The following CFAP210 variants were observed in gnomAD, a reference collection of about 807,000 sequenced individuals.
The protein encoded by CFAP210 is cilia and flagella associated protein 210.
At chr2:169,657,092 T>G in the CFAP210 span, among the ~76,000 whole-genome samples, 1 of 152,050 alleles carries the variant, frequency 6.6e-6, no homozygotes, top group Non-Finnish European at 1.5e-5. Flanking sequence ...ACCTGTATAT[T>G]ATTTTGGGTT....
At chr2:169,650,889 A>G in the CFAP210 span, among the ~76,000 whole-genome samples, 1 of 151,852 alleles carries the variant, frequency 6.6e-6, no homozygotes, top group Admixed American at 6.6e-5. Flanking sequence ...GCTTGAGCCC[A>G]GGAGTTAAGA....
chr2:169,654,162 T>C, the CFAP210 span: 1 of 1,598,562 alleles, frequency 6.3e-7, no homozygotes, highest in South Asian at 1.1e-5. Context: ...ATCTTCTTCC[T>C]CTTGCTGCTG....
At chr2:169,685,040 G>C in the CFAP210 span, among the ~76,000 whole-genome samples, 1 of 152,188 alleles carries the variant, frequency 6.6e-6, no homozygotes, top group Non-Finnish European at 1.5e-5. Flanking sequence ...ATGGATATTA[G>C]GGGTGTTTCC....
At chr2:169,653,064 A>G in the CFAP210 span, among the ~76,000 whole-genome samples, 1,012 of 96,260 alleles carry the variant, frequency 0.011, 41 homozygotes, top group African/African-American at 0.038. Flanking sequence ...ATATATATAT[A>G]TATGTATGTG....
chr2:169,674,531 T>A, the CFAP210 span: 41 of 1,439,836 alleles, frequency 2.8e-5, no homozygotes, highest in Non-Finnish European at 3.7e-6. Flanking sequence ...ACATCCATTA[T>A]GAGAAAACGA....
the CFAP210 span, among the ~76,000 whole-genome samples, chr2:169,688,741 G>C: frequency 6.6e-6 from 1 of 152,174 alleles, no homozygotes. Flanking sequence ...TTGGTCAAAG[G>C]CATTCAACAA....
the CFAP210 span, among the ~76,000 whole-genome samples, chr2:169,673,610 T>A: frequency 3.3e-5 from 5 of 152,190 alleles, no homozygotes; most frequent in Non-Finnish European, 7.3e-5. Flanking sequence ...CATACAGGTA[T>A]GTGAAAAAAG....
the CFAP210 span, among the ~76,000 whole-genome samples, chr2:169,671,077 C>G: frequency 6.6e-6 from 1 of 152,142 alleles, no homozygotes; most frequent in African/African-American, 2.4e-5. Flanking sequence ...GACAGTCATT[C>G]CAAATTTTGG....
chr2:169,688,521 A>C, the CFAP210 span, among the ~76,000 whole-genome samples: 5 of 152,202 alleles, frequency 3.3e-5, no homozygotes, highest in Non-Finnish European at 7.3e-5. Flanking sequence ...TCACCTCTTG[A>C]ATGCTTTGCT....
chr2:169,675,936 T>C, the CFAP210 span, among the ~76,000 whole-genome samples: 3 of 152,208 alleles, frequency 2.0e-5, no homozygotes, highest in African/African-American at 4.8e-5. Flanking sequence ...ATTTCCTATG[T>C]CCTAAGAAAA....
chr2:169,646,403 T>C, the CFAP210 span, among the ~76,000 whole-genome samples: 1 of 152,174 alleles, frequency 6.6e-6, no homozygotes, highest in African/African-American at 2.4e-5. Context: ...ATGTGATACA[T>C]TTGCAAATAG....
chr2:169,684,723 G>A, the CFAP210 span, among the ~76,000 whole-genome samples: 6 of 152,076 alleles, frequency 3.9e-5, no homozygotes, highest in East Asian at 9.6e-4. Flanking sequence ...GCACAATCTC[G>A]GTTCACTGCA....
the CFAP210 span, among the ~76,000 whole-genome samples, chr2:169,667,471 T>A: frequency 2.0e-5 from 3 of 152,106 alleles, no homozygotes; most frequent in African/African-American, 7.2e-5. Flanking sequence ...GAATGGTGAA[T>A]CCTTTCCAGA....
chr2:169,653,186 G>A, the CFAP210 span, among the ~76,000 whole-genome samples: 1 of 150,294 alleles, frequency 6.7e-6, no homozygotes, highest in Admixed American at 6.7e-5. Context: ...AAATAAAGTA[G>A]TCAGAGAAAG....
At chr2:169,667,117 C>T in the CFAP210 span, among the ~76,000 whole-genome samples, 1 of 151,328 alleles carries the variant, frequency 6.6e-6, no homozygotes, top group Admixed American at 6.6e-5. Context: ...TAACCTTCTC[C>T]CATGAATCAC....
chr2:169,654,092 T>C, the CFAP210 span: 1 of 1,609,958 alleles, frequency 6.2e-7, no homozygotes, highest in Non-Finnish European at 8.5e-7. Flanking sequence ...TTTCAGCCTC[T>C]TTTTCTTTCC....
chr2:169,664,383 A>G, the CFAP210 span, among the ~76,000 whole-genome samples: 2,332 of 152,346 alleles, frequency 0.015, 22 homozygotes, highest in Non-Finnish European at 0.025. Context: ...TCCATTGGAT[A>G]ATGCATCATT....
the CFAP210 span, among the ~76,000 whole-genome samples, chr2:169,683,875 A>G: frequency 6.6e-6 from 1 of 152,232 alleles, no homozygotes; most frequent in Non-Finnish European, 1.5e-5. Flanking sequence ...AAAGAAAAAA[A>G]AAGCCCACAG....
chr2:169,654,569 G>A, the CFAP210 span, among the ~76,000 whole-genome samples: 1 of 152,074 alleles, frequency 6.6e-6, no homozygotes, highest in Non-Finnish European at 1.5e-5. Flanking sequence ...ACATTACATA[G>A]TATATTCCAA....
Sources: gnomAD v4.1 joint callset for allele counts (sites outside exome capture counted in the v4.1 genomes callset) on GRCh38, gnomAD v4.1.1 for gene constraint, MANE v1.5 for transcripts, NCBI Gene and HGNC (gene_info 2026-07-23, HGNC 2026-07-21) for gene names.